Variants in INKA2 observed in about 807,000 individuals in gnomAD.
INKA2 encodes the protein inka box actin regulator 2.
A neutral mutation model predicts 9.8 loss-of-function variants in INKA2; 3 were observed. That is an observed-to-expected ratio of 0.31 (90% confidence interval 0.14 to 0.79). The LOEUF is 0.79. Among genes scored for constraint, INKA2 ranks in the 30% least tolerant of loss-of-function variants. INKA2 has a pLI of 0.62. For synonymous variants in INKA2, 147 were observed against 143.3 expected (o/e 1.03, Z -0.18); for missense variants, 392 against 384.4 (o/e 1.02, Z -0.17).
In INKA2 at chr1:111,730,632, A is replaced by AC. The variant is rs371226683; in HGVS notation, c.58-2829dup. 4.6e-5 allele frequency among the ~76,000 whole-genome samples: 7 copies of AC among 152,096 alleles called. 1 individual carries two copies. In the South Asian group the frequency reaches 1.5e-3, roughly 32 times the overall value. ...GGAATATCCCTACTCCCTGAGACGT[A>AC]CCCCCCATGCTCCTGTTAGAAATCT... On this transcript the variant is annotated intron_variant, in intron 1 of 1. Transcript: ENST00000357260.
intron 1 of INKA2, among the ~76,000 whole-genome samples, chr1:111,730,923 C>G (rs1367962615): frequency 6.6e-6 from 1 of 152,202 alleles, no homozygotes; most frequent in Non-Finnish European, 1.5e-5. Flanking sequence ...CAGACGGTAA[C>G]TCACTACACA....
At chr1:111,751,193 A>G (rs1663401334) in intron 1 of INKA2, among the ~76,000 whole-genome samples, 1 of 152,220 alleles carries the variant, frequency 6.6e-6, no homozygotes, top group African/African-American at 2.4e-5. Flanking sequence ...TTGTATGTGC[A>G]GTTGTTCTCT....
upstream of INKA2, chr1:111,740,218 G>C (rs1428420726): frequency 2.0e-5 from 3 of 152,322 alleles, no homozygotes; most frequent in African/African-American, 4.8e-5. Flanking sequence ...TCTCTCCCCA[G>C]AGCTCGGCGT....
At chr1:111,743,730 G>C (rs376779455), upstream of INKA2, among the ~76,000 whole-genome samples, 1 of 152,144 alleles carries the variant, frequency 6.6e-6, no homozygotes. Flanking sequence ...CTGGTGCAAG[G>C]AGAGAGATAT....
intron 1 of INKA2, among the ~76,000 whole-genome samples, chr1:111,729,123 G>C (rs1240539927): frequency 6.6e-6 from 1 of 152,128 alleles, no homozygotes; most frequent in Non-Finnish European, 1.5e-5. Flanking sequence ...CAGTGAAGAA[G>C]GGCTGAAAAG....
chr1:111,726,987 T>C lies in INKA2; in HGVS notation c.875A>G (p.Asn292Ser). The change falls in exon 2 of 2, where the codon AAC becomes AGC. Residue 292 changes from asparagine to serine, a missense_variant. Transcript: ENST00000357260. The part of the protein sequence containing the change: ...LEHSPSGFDI[N>S]TAVWV ...TAGGATTCAGACCCAAACAGCTGTGTTAATATCAAATCCTGAGGGTGAGTG... is the reference window on the plus strand; with the variant it reads ...TAGGATTCAGACCCAAACAGCTGTGCTAATATCAAATCCTGAGGGTGAGTG... 6.2e-7 allele frequency: 1 copy of C among 1,613,616 alleles called. No individual in the cohort carries two copies. The highest frequency in any genetic ancestry group is 8.5e-7 in the Non-Finnish European group (1 of 1,179,832).
chr1:111,742,329 G>A (rs1331005936), upstream of INKA2, among the ~76,000 whole-genome samples: 4 of 152,062 alleles, frequency 2.6e-5, no homozygotes, highest in Non-Finnish European at 2.9e-5. Flanking sequence ...ACTCATGCCT[G>A]TAATCCCAGG....
chr1:111,747,520 A>G (rs1663300568), intron 1 of INKA2: 1 of 152,312 alleles, frequency 6.6e-6, no homozygotes, highest in Non-Finnish European at 1.5e-5. Context: ...CAGTGGTTGC[A>G]ATTCTGCTCC....
chr1:111,743,050 AT>A (rs1419282305), upstream of INKA2, among the ~76,000 whole-genome samples: 1 of 152,170 alleles, frequency 6.6e-6, no homozygotes, highest in Non-Finnish European at 1.5e-5. Context: ...TTAAAAAAGG[AT>A]TTAAGTGATG....
In INKA2 at chr1:111,726,786, G is replaced by A. The variant is rs1440490263; in HGVS notation, c.*182C>T. On this transcript the variant is annotated 3_prime_UTR_variant, in exon 2 of 2. Coordinates refer to ENST00000357260, the MANE Select transcript of INKA2 (RefSeq NM_019099.5). Reference sequence around the variant, plus strand: ...CCTCCACCAGCTAGCCCCCAAGACAGCCTCTCCCAACCACCTTCCCTTCAG... The same window carrying A: ...CCTCCACCAGCTAGCCCCCAAGACAACCTCTCCCAACCACCTTCCCTTCAG... The A allele has an allele frequency of 1.5e-6, 1 of 669,550 alleles. No individual in the cohort carries two copies. Among genetic ancestry groups the A allele is most frequent in the African/African-American group, 1.8e-5 (1 of 55,480 alleles). The allele number at this position is 669,550 out of a possible 1,614,324, so 41.5% of individuals were successfully genotyped here. A position where few individuals can be genotyped will look rare whatever the true frequency, so the allele number is the denominator to read the frequency against.
At chr1:111,733,246 T>C (rs1662949347) in intron 1 of INKA2, among the ~76,000 whole-genome samples, 1 of 152,230 alleles carries the variant, frequency 6.6e-6, no homozygotes, top group South Asian at 2.1e-4. Context: ...GTGTTTACAC[T>C]TGCCATAGAC....
Position 111,724,923 on chromosome 1 carries a change from C to T in INKA2, c.*2045G>A, listed in dbSNP as rs1252911488. 6.6e-6 allele frequency: 1 copy of T among 152,136 alleles called. No homozygotes were observed. Among genetic ancestry groups the T allele is most frequent in the Non-Finnish European group, 1.5e-5 (1 of 68,000 alleles). The allele number at this position is 152,136 out of a possible 1,614,324, so 9.4% of individuals were successfully genotyped here. ...AGATGTGTCTGGAGAACAATGCCTT[C>T]TAGGGTCCTTCTAAGTTTGAGAGAT... On this transcript the variant is annotated 3_prime_UTR_variant, in exon 2 of 2. Transcript: ENST00000357260.
rs1662759097 is a variant in INKA2 at position 111,725,909 on chromosome 1, A to T, written c.*1059T>A. The T allele has an allele frequency of 5.5e-6, 2 of 360,458 alleles. No individual in the cohort carries two copies. The highest frequency in any genetic ancestry group is 9.9e-6 in the Non-Finnish European group (2 of 202,490). 22.3% of individuals were successfully genotyped at this position (360,458 alleles called of 1,614,324 possible). A position where few individuals can be genotyped will look rare whatever the true frequency, so the allele number is the denominator to read the frequency against. On this transcript the variant is annotated 3_prime_UTR_variant, in exon 2 of 2. Coordinates refer to ENST00000357260, the MANE Select transcript of INKA2 (RefSeq NM_019099.5). ...CACCACGCCTGGCTAATTTTTACGT[A>T]TTTTTTTAGTAGAGACGGGGTTTCA...
At chr1:111,732,966 AAC>A (rs1292390156) in intron 1 of INKA2, among the ~76,000 whole-genome samples, 2 of 152,174 alleles carry the variant, frequency 1.3e-5, no homozygotes, top group Non-Finnish European at 2.9e-5. Context: ...CTCAGACGAC[AAC>A]TCCTGGTGTC....
Position 111,723,529 on chromosome 1 carries a change from T to G in INKA2, c.*3439A>C. The G allele has an allele frequency of 5.6e-6, 1 of 178,968 alleles. No individual in the cohort carries two copies. Among genetic ancestry groups the G allele is most frequent in the Non-Finnish European group, 1.2e-5 (1 of 85,944 alleles). The allele number at this position is 178,968 out of a possible 1,614,324, so 11.1% of individuals were successfully genotyped here. On this transcript the variant is annotated 3_prime_UTR_variant, in exon 2 of 2. Transcript: ENST00000357260. ...GGGCCAATCAGGTGGCCCTTGTACC[T>G]GCCAGGGAAGTGGGGCAGGGTGGGG...
In INKA2 at chr1:111,726,787, C is replaced by T; in HGVS notation, c.*181G>A. 1.5e-6 allele frequency: 1 copy of T among 674,380 alleles called. No individual in the cohort carries two copies. Among genetic ancestry groups the T allele is most frequent in the Non-Finnish European group, 2.6e-6 (1 of 389,122 alleles). 41.8% of individuals were successfully genotyped at this position (674,380 alleles called of 1,614,324 possible). On this transcript the variant is annotated 3_prime_UTR_variant, in exon 2 of 2. Coordinates refer to ENST00000357260, the MANE Select transcript of INKA2 (RefSeq NM_019099.5). ...CTCCACCAGCTAGCCCCCAAGACAGCCTCTCCCAACCACCTTCCCTTCAGT... is the reference window on the plus strand; with the variant it reads ...CTCCACCAGCTAGCCCCCAAGACAGTCTCTCCCAACCACCTTCCCTTCAGT...
rs116438379 is a variant in INKA2, at chr1:111,728,369, G to A, written c.58-565C>T. On this transcript the variant is annotated intron_variant, in intron 1 of 1. Coordinates refer to ENST00000357260, the MANE Select transcript of INKA2 (RefSeq NM_019099.5). ...CATTTCATCTTTATATAGACCGTAT[G>A]AGGTTGCTATTTTCTCATTTTAACA... Among the ~76,000 whole-genome samples, 1,376 of 152,302 alleles carry A rather than the reference G, an allele frequency of 9.0e-3. 21 individuals carry two copies. The highest frequency in any genetic ancestry group is 0.031 in the African/African-American group (1,278 of 41,548).
chr1:111,751,481 A>C (rs1269710630), intron 1 of INKA2, among the ~76,000 whole-genome samples: 1 of 152,236 alleles, frequency 6.6e-6, no homozygotes, highest in Non-Finnish European at 1.5e-5. Flanking sequence ...GGATAGAAAG[A>C]GCCTAGACTT....
chr1:111,745,293 A>ATATATATATATATATATT (rs1358304932), intron 1 of INKA2: 3 of 49,268 alleles, frequency 6.1e-5, no homozygotes, highest in Non-Finnish European at 1.1e-4. Flanking sequence ...ATATATATAT[A>ATATATATATATATATATT]TTTTTTTTTT....
Sources: allele counts gnomAD v4.1 joint callset (sites outside exome capture counted in the v4.1 genomes callset), GRCh38; gene constraint gnomAD v4.1.1; transcripts MANE v1.5; gene names NCBI Gene and HGNC (gene_info 2026-07-23, HGNC 2026-07-21).